GLT8D1: variants seen among roughly 807,000 people sequenced by gnomAD.
GLT8D1 encodes glycosyltransferase 8 domain containing 1.
Under a neutral mutation model 46.2 loss-of-function variants are expected in GLT8D1, and 41 were observed. That is an observed-to-expected ratio of 0.89 (90% CI 0.69 to 1.15). GLT8D1 has a LOEUF of 1.15. Among genes scored for constraint, GLT8D1 ranks in the 50% most tolerant of loss-of-function variants. The pLI is 0.00. For synonymous variants in GLT8D1, 150 were observed against 154.2 expected (o/e 0.97, Z 0.20); for missense variants, 408 against 449.3 (o/e 0.91, Z 0.83).
intron 3 of GLT8D1, among the ~76,000 whole-genome samples, chr3:52,699,581 C>T (rs527734168): frequency 1.3e-5 from 2 of 152,316 alleles, no homozygotes; most frequent in Admixed American, 6.5e-5. Context: ...CCTTGTGAGA[C>T]GCCCACCTTG....
rs750413633 is a variant in GLT8D1 at position 52,694,918 on chromosome 3, T to C, written c.1043A>G (p.Lys348Arg). 1.2e-6 allele frequency: 2 copies of C among 1,611,758 alleles called. No individual in the cohort carries two copies. The highest frequency in any genetic ancestry group is 2.2e-5 in the South Asian group (2 of 91,038). Reference sequence around the variant, plus strand: ...GCCTGTTGGGTCTGGAATATACCATTTTTCCCAAACATCAGTATATGAAGC... The same window carrying C: ...GCCTGTTGGGTCTGGAATATACCATCTTTCCCAAACATCAGTATATGAAGC... The part of the protein sequence containing the change: ...RTASYTDVWE[K>R]WYIPDPTGKF... Residue 348 changes from lysine (K) to arginine (R), a missense_variant, in exon 10 of 10, where the codon AAA (lysine) becomes AGA (arginine). Lys to Arg is a conservative substitution (Grantham distance 26). Coordinates refer to ENST00000266014, the MANE Select transcript of GLT8D1 (RefSeq NM_018446.4).
Position 52,700,515 on chromosome 3 carries a change from C to A in GLT8D1, c.-36-19G>T. On this transcript the variant is annotated intron_variant, in intron 1 of 9. Coordinates refer to ENST00000266014, the MANE Select transcript of GLT8D1 (RefSeq NM_018446.4). ...TTTAACCCTACAAAACAAAAACAAGCCCCCAAAGTCAGTAAGCACATGAGA... is the reference window on the plus strand; with the variant it reads ...TTTAACCCTACAAAACAAAAACAAGACCCCAAAGTCAGTAAGCACATGAGA... The A allele has an allele frequency of 7.9e-7, 1 of 1,268,722 alleles. No homozygotes were observed. Among genetic ancestry groups the A allele is most frequent in the Non-Finnish European group, 1.1e-6 (1 of 886,262 alleles). 78.6% of individuals were successfully genotyped at this position (1,268,722 alleles called of 1,614,324 possible). A position where few individuals can be genotyped will look rare whatever the true frequency, so the allele number is the denominator to read the frequency against.
Position 52,705,689 on chromosome 3 carries a change from C to T in GLT8D1, c.-279G>A. ...CCGCCCGCGTTCCCTGCACGCTGGG[C>T]CGAGCACACTTGCCCTCTAGCTCCG... On this transcript the variant is annotated 5_prime_UTR_variant, in exon 1 of 10. Coordinates refer to ENST00000266014, the MANE Select transcript of GLT8D1 (RefSeq NM_018446.4). 2 of 369,386 alleles carry T rather than the reference C, an allele frequency of 5.4e-6. No homozygotes were observed. The highest frequency in any genetic ancestry group is 8.1e-6 in the Non-Finnish European group (2 of 246,408). The allele number at this position is 369,386 out of a possible 1,614,324, so 22.9% of individuals were successfully genotyped here. A position where few individuals can be genotyped will look rare whatever the true frequency, so the allele number is the denominator to read the frequency against.
chr3:52,697,974 G>A (rs1361470269), intron 3 of GLT8D1, 40 bp from the exon 4 acceptor site: 2 of 1,245,934 alleles, frequency 1.6e-6, no homozygotes, highest in African/African-American at 1.5e-5. Context: ...CAATCTCATG[G>A]GCTTTTGATA....
Position 52,700,496 on chromosome 3 carries a change from C to A in GLT8D1, c.-36G>T. The A allele has an allele frequency of 6.7e-7, 1 of 1,497,924 alleles. No individual in the cohort carries two copies. Among genetic ancestry groups the A allele is most frequent in the South Asian group, 1.2e-5 (1 of 86,380 alleles). 92.8% of individuals were successfully genotyped at this position (1,497,924 alleles called of 1,614,324 possible). A position where few individuals can be genotyped will look rare whatever the true frequency, so the allele number is the denominator to read the frequency against. On this transcript the variant is annotated splice_region_variant and 5_prime_UTR_variant, in exon 2 of 10. Transcript: ENST00000266014. ...TGTCATATAAATATTAGTTTTTAAC[C>A]CTACAAAACAAAAACAAGCCCCCAA... is the stretch of plus-strand genomic sequence containing the variant.
At chr3:52,696,434 C>A in intron 5 of GLT8D1, 108 bp downstream of exon 5, 1 of 1,006,948 alleles carries the variant, frequency 9.9e-7, no homozygotes, top group South Asian at 1.3e-5. Flanking sequence ...CTCTTAGAAC[C>A]ACCCAGGCTT....
At chr3:52,698,335 T>C (rs746744958) in intron 3 of GLT8D1, among the ~76,000 whole-genome samples, 6 of 152,190 alleles carry the variant, frequency 3.9e-5, no homozygotes, top group Non-Finnish European at 7.3e-5. Context: ...ATGAAACCAA[T>C]TGAGTGAGTC....
chr3:52,704,186 C>T (rs1203140971), intron 1 of GLT8D1, among the ~76,000 whole-genome samples: 8 of 151,710 alleles, frequency 5.3e-5, no homozygotes, highest in African/African-American at 1.9e-4. Context: ...TGGCCGGGCG[C>T]GGTGGCTCAT....
At chr3:52,695,840 T>C in intron 7 of GLT8D1, 88 bp downstream of exon 7, 1 of 775,564 alleles carries the variant, frequency 1.3e-6, no homozygotes, top group East Asian at 2.5e-5. Context: ...TTGGGGAGTG[T>C]AAATTGCAGC....
Position 52,695,025 on chromosome 3 carries a change from A to G in GLT8D1, c.936T>C (p.Ala312=), listed in dbSNP as rs1322503831. 2 of 1,610,166 alleles carry G rather than the reference A, an allele frequency of 1.2e-6. No individual in the cohort carries two copies. Among genetic ancestry groups the G allele is most frequent in the South Asian group, 1.1e-5 (1 of 91,008 alleles). Residue 312 remains alanine (A), a synonymous_variant, in exon 10 of 10, where the codon GCT becomes GCC. Transcript: ENST00000266014. ...CAAACTGAGGTGAATATCGTTTTCC[A>G]GCACTGGAACCTTACATTTGAGACA... ...MWNVRHLGSS[A]GKRYSPQFVK... is the part of the protein sequence containing the mutation.
intron 9 of GLT8D1, 69 bp from the exon 10 acceptor site, chr3:52,695,104 G>T: frequency 6.9e-7 from 1 of 1,449,894 alleles, no homozygotes; most frequent in Non-Finnish European, 9.7e-7. Context: ...TTACTTAAGG[G>T]AAACAAAGAA....
In GLT8D1 at chr3:52,694,625, A is replaced by G; in HGVS notation, c.*220T>C. 1.6e-6 allele frequency: 1 copy of G among 609,612 alleles called. No individual in the cohort carries two copies. Among genetic ancestry groups the G allele is most frequent in the Non-Finnish European group, 2.9e-6 (1 of 342,124 alleles). The allele number at this position is 609,612 out of a possible 1,614,324, so 37.8% of individuals were successfully genotyped here. On this transcript the variant is annotated 3_prime_UTR_variant, in exon 10 of 10. Transcript: ENST00000266014. ...CTTTCCAGTCATTCAGCATTGTAGT[A>G]AGAAAACACTTGGTAAGGCAGATGG...
Position 52,700,288 on chromosome 3 carries a change from C to T in GLT8D1, c.89G>A (p.Ser30Asn), listed in dbSNP as rs1031586138. ...LVLHHNFLSLSSLLRNEVTDS... is the reference protein window; with the variant it reads ...LVLHHNFLSLNSLLRNEVTDS... ...TGTAACCTCATTCCTTAACAAACTG[C>T]TCAAGCTGAGGAAGTTATGGTGCAA... Residue 30 changes from serine to asparagine, a missense_variant, in exon 3 of 10, where the codon AGC becomes AAC. Transcript: ENST00000266014. 2.5e-6 allele frequency: 4 copies of T among 1,613,060 alleles called. No homozygotes were observed. Among genetic ancestry groups the T allele is most frequent in the Admixed American group, 1.7e-5 (1 of 59,932 alleles).
intron 9 of GLT8D1, 58 bp downstream of exon 9, chr3:52,695,132 G>A: frequency 1.4e-6 from 2 of 1,449,926 alleles, no homozygotes; most frequent in Admixed American, 1.7e-5. Context: ...CATCCCTGAG[G>A]ATAGTTCTTT....
intron 1 of GLT8D1, among the ~76,000 whole-genome samples, chr3:52,702,882 A>G (rs1050327493): frequency 2.1e-4 from 31 of 150,354 alleles, no homozygotes; most frequent in Admixed American, 1.1e-3. Flanking sequence ...TGCCTCTCAG[A>G]TTCAAGCAAT....
At chr3:52,702,810 A>G (rs1402997320) in intron 1 of GLT8D1, among the ~76,000 whole-genome samples, 1 of 150,168 alleles carries the variant, frequency 6.7e-6, no homozygotes, top group East Asian at 2.0e-4. Flanking sequence ...TTTTCGAGAC[A>G]GAGTCTGGCT....
intron 3 of GLT8D1, among the ~76,000 whole-genome samples, chr3:52,699,778 T>TC (rs1445245059): frequency 6.6e-6 from 1 of 152,204 alleles, no homozygotes; most frequent in Non-Finnish European, 1.5e-5. Flanking sequence ...CTCACTCTGG[T>TC]CAGCTATGGT....
At chr3:52,698,674 T>G (rs987830421) in intron 3 of GLT8D1, among the ~76,000 whole-genome samples, 2 of 143,056 alleles carry the variant, frequency 1.4e-5, no homozygotes, top group African/African-American at 5.2e-5. Context: ...ATAGGAAAAC[T>G]CCATCTCAAA....
chr3:52,696,628 T>TG lies in GLT8D1; in HGVS notation c.360dup (p.Ile121HisfsTer9). On this transcript the variant is annotated frameshift_variant, in exon 5 of 10. Coordinates refer to ENST00000266014, the MANE Select transcript of GLT8D1 (RefSeq NM_018446.4). LOFTEE classifies it high-confidence loss of function. Reference sequence around the variant, plus strand: ...TCAAAATTGACAATTTTGTATCTGATGCTTTTCAGGGAATCACTGTTGAGC... The same window carrying TG: ...TCAAAATTGACAATTTTGTATCTGATGGCTTTTCAGGGAATCACTGTTGAGC... The TG allele has an allele frequency of 6.2e-7, 1 of 1,607,772 alleles. No homozygotes were observed. The highest frequency in any genetic ancestry group is 8.5e-7 in the Non-Finnish European group (1 of 1,174,182).
Sources: allele counts gnomAD v4.1 joint callset (sites outside exome capture counted in the v4.1 genomes callset), GRCh38; gene constraint gnomAD v4.1.1; transcripts MANE v1.5; gene names NCBI Gene and HGNC (gene_info 2026-07-23, HGNC 2026-07-21).